GALNT2: variants seen among roughly 807,000 people sequenced by gnomAD.
GALNT2 encodes the protein UDP-GalNAc:polypeptide N-acetylgalactosaminyltransferase 2.
A neutral mutation model predicts 81.4 loss-of-function variants in GALNT2; 31 were observed. The observed-to-expected ratio is 0.38, with a 90% CI of 0.29 to 0.51. GALNT2 has a LOEUF of 0.51. Among genes scored for constraint, GALNT2 ranks in the 20% least tolerant of loss-of-function variants. The pLI, the probability that GALNT2 is intolerant of heterozygous loss-of-function variation, is 0.87. For synonymous variants in GALNT2, 303 were observed against 287.4 expected, an observed-to-expected ratio of 1.05 and a Z score of -0.55; for missense variants, 629 against 765.7, an observed-to-expected ratio of 0.82 and a Z score of 2.11.
At chr1:230,074,509 C>T (rs139122417) in intron 1 of GALNT2, among the ~76,000 whole-genome samples, 1 of 152,338 alleles carries the variant, frequency 6.6e-6, no homozygotes, top group East Asian at 1.9e-4. Context: ...CAAAAATGTG[C>T]AGACATTGCC....
rs147457029 is a variant in GALNT2, at chr1:230,240,542, A to G, written c.608-2764A>G. ...GGGAGGCGGAGGTTGCAGTGAGCCA[A>G]TATTGTGCCACTGCACTCCAGCTTG... On this transcript the variant is annotated intron_variant, in intron 6 of 15. Coordinates refer to ENST00000366672, the MANE Select transcript of GALNT2 (RefSeq NM_004481.5). Among the ~76,000 whole-genome samples the G allele has an allele frequency of 9.0e-3, 1,373 of 152,306 alleles. 16 individuals are homozygous for G. The highest frequency in any genetic ancestry group is 0.03 in the African/African-American group (1,255 of 41,564).
At chr1:230,239,118 A>G (rs1038722071) in intron 6 of GALNT2, among the ~76,000 whole-genome samples, 1 of 151,754 alleles carries the variant, frequency 6.6e-6, no homozygotes, top group Non-Finnish European at 1.5e-5. Context: ...TGCTTATGAT[A>G]TTGTCTCTTT....
At chr1:230,151,777 A>AAG (rs1553261925) in intron 1 of GALNT2, among the ~76,000 whole-genome samples, 116 of 151,948 alleles carry the variant, frequency 7.6e-4, no homozygotes, top group Non-Finnish European at 4.3e-4. Context: ...TGCAAAGTGA[A>AAG]AAGTTTATTA....
chr1:230,215,593 TA>T (rs1173223497), intron 3 of GALNT2, among the ~76,000 whole-genome samples: 1 of 152,270 alleles, frequency 6.6e-6, no homozygotes, highest in Non-Finnish European at 1.5e-5. Context: ...TGGCAGTTTA[TA>T]AATTTTGCCC....
intron 1 of GALNT2, among the ~76,000 whole-genome samples, chr1:230,154,372 T>G (rs1662183600): frequency 6.6e-6 from 1 of 152,204 alleles, no homozygotes; most frequent in South Asian, 2.1e-4. Context: ...GCCGTTGGTA[T>G]TTTTAAGAAA....
At chr1:230,212,526 T>C (rs768869765) in intron 3 of GALNT2, among the ~76,000 whole-genome samples, 107 of 152,274 alleles carry the variant, frequency 7.0e-4, no homozygotes, top group Non-Finnish European at 1.2e-3. Context: ...TGAGACTGCT[T>C]GTGTGTTCAG....
intron 1 of GALNT2, among the ~76,000 whole-genome samples, chr1:230,152,090 GA>G (rs1018049802): frequency 1.3e-5 from 2 of 152,124 alleles, no homozygotes; most frequent in African/African-American, 4.8e-5. Flanking sequence ...AGGTCTTTAT[GA>G]CCTTATTTTG....
chr1:230,172,720 A>AT (rs1157987627), intron 1 of GALNT2, among the ~76,000 whole-genome samples: 2 of 152,124 alleles, frequency 1.3e-5, no homozygotes, highest in East Asian at 3.9e-4. Context: ...AACACTTCTT[A>AT]TTTTTTTCTT....
At chr1:230,247,801 A>G (rs1480095882) in intron 8 of GALNT2, among the ~76,000 whole-genome samples, 1 of 152,196 alleles carries the variant, frequency 6.6e-6, no homozygotes, top group Non-Finnish European at 1.5e-5. Flanking sequence ...CAAGGATGCC[A>G]TTCTTAACAG....
intron 6 of GALNT2, among the ~76,000 whole-genome samples, chr1:230,238,656 T>C (rs775667606): frequency 1.3e-5 from 2 of 152,220 alleles, no homozygotes; most frequent in Non-Finnish European, 2.9e-5. Context: ...AATCTGTTAA[T>C]ATGGTGAAAT....
At chr1:230,184,127 C>T (rs775267357) in intron 2 of GALNT2, among the ~76,000 whole-genome samples, 1 of 151,602 alleles carries the variant, frequency 6.6e-6, no homozygotes, top group Non-Finnish European at 1.5e-5. Context: ...GGTCTACTGG[C>T]AACAAATTCC....
At chr1:230,089,559 A>T (rs1431393545) in intron 1 of GALNT2, among the ~76,000 whole-genome samples, 1 of 152,198 alleles carries the variant, frequency 6.6e-6, no homozygotes, top group Non-Finnish European at 1.5e-5. Context: ...CCCAAAAAAC[A>T]GTAACTCTCC....
chr1:230,170,825 C>T (rs1176361798), intron 1 of GALNT2, among the ~76,000 whole-genome samples: 2 of 152,036 alleles, frequency 1.3e-5, no homozygotes, highest in East Asian at 3.9e-4. Context: ...TGAACTCTTT[C>T]CTTTACCATG....
At chr1:230,160,302 C>T (rs1662390551) in intron 1 of GALNT2, among the ~76,000 whole-genome samples, 1 of 152,182 alleles carries the variant, frequency 6.6e-6, no homozygotes, top group Non-Finnish European at 1.5e-5. Flanking sequence ...TGACCACTAT[C>T]CCCATTCTGT....
At position 230,203,254 on chromosome 1, in the gene GALNT2, G is replaced by A. The variant is rs749888628; in HGVS notation, c.338G>A (p.Arg113Gln). The A allele has an allele frequency of 2.0e-5, 32 of 1,614,112 alleles. No individual in the cohort carries two copies. In the East Asian group the frequency reaches 2.2e-4, roughly 11 times the overall value. The change falls in exon 3 of 16, where the codon CGA becomes CAA. Residue 113 changes from arginine to glutamine, a missense_variant. Physicochemically the swap from Arg to Gln is conservative, Grantham distance 43. Around this residue, in one of 3 missense-constraint regions of GALNT2, gnomAD observed 360 missense variants for 492.8 expected, o/e 0.73. Coordinates refer to ENST00000366672, the MANE Select transcript of GALNT2 (RefSeq NM_004481.5). Reference sequence around the variant, plus strand: ...AACCAGGTGGAGAGTGATAAGCTTCGAATGGACAGAGCCATCCCTGACACC... The same window carrying A: ...AACCAGGTGGAGAGTGATAAGCTTCAAATGGACAGAGCCATCCCTGACACC... ...KFNQVESDKLRMDRAIPDTRH... is the reference protein window; with the variant it reads ...KFNQVESDKLQMDRAIPDTRH...
At position 230,236,475 on chromosome 1, in the gene GALNT2, C is replaced by T. The variant is rs140011367; in HGVS notation, c.541+55C>T. 50 of 1,567,562 alleles carry T rather than the reference C, an allele frequency of 3.2e-5. No individual in the cohort carries two copies. The African/African-American group carries it at 5.8e-4, about 18-fold the overall frequency. On this transcript the variant is annotated intron_variant, in intron 5 of 15. Coordinates refer to ENST00000366672, the MANE Select transcript of GALNT2 (RefSeq NM_004481.5). ...GTCTGGCTCTTCTCTGGGCACCAGTCTTCCTGTAGTGGGGGTGCTAATGAG... is the reference window on the plus strand; with the variant it reads ...GTCTGGCTCTTCTCTGGGCACCAGTTTTCCTGTAGTGGGGGTGCTAATGAG...
intron 1 of GALNT2, among the ~76,000 whole-genome samples, chr1:230,075,424 C>G (rs1223369645): frequency 6.6e-6 from 1 of 152,148 alleles, no homozygotes; most frequent in Non-Finnish European, 1.5e-5. Flanking sequence ...CCCGGCTGCT[C>G]TTTTCTTCAT....
At chr1:230,155,765 G>T (rs1662231184) in intron 1 of GALNT2, among the ~76,000 whole-genome samples, 1 of 152,206 alleles carries the variant, frequency 6.6e-6, no homozygotes, top group Admixed American at 6.5e-5. Flanking sequence ...CATCCTGACT[G>T]GAAGAGAGAG....
chr1:230,224,989 TCTC>T (rs778343729), intron 3 of GALNT2, among the ~76,000 whole-genome samples: 5 of 152,358 alleles, frequency 3.3e-5, no homozygotes, highest in Non-Finnish European at 7.3e-5. Flanking sequence ...CTAATTCAAA[TCTC>T]CTGTTGACCA....
Sources: allele counts gnomAD v4.1 joint callset (sites outside exome capture counted in the v4.1 genomes callset), GRCh38; gene constraint gnomAD v4.1.1; regional missense constraint gnomAD v4.1.1; transcripts MANE v1.5; gene names NCBI Gene and HGNC (gene_info 2026-07-23, HGNC 2026-07-21).